Variants in DOC2B observed in about 807,000 individuals in gnomAD.
DOC2B encodes the protein double C2 domain beta, also known as double C2-like domain-containing protein beta.
Under a neutral mutation model 28.9 loss-of-function variants are expected in DOC2B, and 21 were observed. The ratio of observed to expected loss-of-function variants is 0.73; its 90% CI spans 0.52 to 1.05. The LOEUF (loss-of-function observed/expected upper bound fraction) is 1.05, where lower values mean the gene tolerates loss of function less well. DOC2B is among the 50% of genes least tolerant of loss of function. The probability of loss-of-function intolerance (pLI) is 0.00; values close to 1 mark genes in which losing one functional copy is unlikely to be tolerated. For synonymous variants in DOC2B, 194 were observed against 178.1 expected (o/e 1.09, Z -0.71); for missense variants, 384 against 421.1 (o/e 0.91, Z 0.77).
chr17:162,076 C>A lies in DOC2B; in HGVS notation c.638+5G>T, dbSNP rs1319628439. ...GGGAGCAGGCGGCCTGGGACCCTCACCCACCGCAGGGTCTTGCGGATCATG... is the reference window on the plus strand; with the variant it reads ...GGGAGCAGGCGGCCTGGGACCCTCAACCACCGCAGGGTCTTGCGGATCATG... On this transcript the variant is annotated splice_donor_5th_base_variant and intron_variant, in intron 4 of 8. Transcript: ENST00000613549. 6.5e-7 allele frequency: 1 copy of A among 1,545,606 alleles called. No individual in the cohort carries two copies. The highest frequency in any genetic ancestry group is 8.8e-7 in the Non-Finnish European group (1 of 1,141,420).
At chr17:166,663 G>C (rs2040269243) in intron 2 of DOC2B, among the ~76,000 whole-genome samples, 1 of 152,026 alleles carries the variant, frequency 6.6e-6, no homozygotes. Context: ...TCTTGAGGTA[G>C]TGAATACGTC....
At chr17:148,801 T>A (rs1053380918) in intron 7 of DOC2B, among the ~76,000 whole-genome samples, 1 of 151,722 alleles carries the variant, frequency 6.6e-6, no homozygotes, top group East Asian at 1.9e-4. Context: ...GGCCCCAGGG[T>A]GTCTCGAGTC....
intron 7 of DOC2B, 67 bp from the exon 8 acceptor site, chr17:148,336 G>A (rs1296678575): frequency 7.5e-6 from 3 of 398,474 alleles, no homozygotes; most frequent in African/African-American, 2.1e-5. Context: ...GCCAGGAGGG[G>A]TATGAGGTGT....
chr17:166,231 CT>C (rs2040263110), intron 2 of DOC2B, among the ~76,000 whole-genome samples: 1 of 152,282 alleles, frequency 6.6e-6, no homozygotes, highest in South Asian at 2.1e-4. Context: ...TGTCACTGTG[CT>C]GCCACCAACT....
At chr17:169,717 G>A (rs941557449) in intron 2 of DOC2B, among the ~76,000 whole-genome samples, 1 of 152,018 alleles carries the variant, frequency 6.6e-6, no homozygotes, top group Non-Finnish European at 1.5e-5. Flanking sequence ...GTGCACCCCA[G>A]GGTGTCCAGC....
intron 6 of DOC2B, among the ~76,000 whole-genome samples, chr17:150,462 T>C (rs2040060887): frequency 6.6e-6 from 1 of 151,912 alleles, no homozygotes; most frequent in Admixed American, 6.6e-5. Context: ...ATGTCCAGCT[T>C]ATTCTGCCCA....
At chr17:160,932 G>A (rs900951374) in intron 5 of DOC2B, among the ~76,000 whole-genome samples, 5 of 152,124 alleles carry the variant, frequency 3.3e-5, no homozygotes, top group African/African-American at 1.2e-4. Flanking sequence ...TCCACCCGTG[G>A]TCCCTGCTGA....
chr17:162,056 C>A (rs748356343), intron 4 of DOC2B, 25 bp downstream of exon 4: 110 of 1,492,652 alleles, frequency 7.4e-5, no homozygotes, highest in Non-Finnish European at 9.4e-5. Context: ...GGGGAGGGAG[C>A]AGGCGGCCTG....
rs149757548 is a variant in DOC2B at position 153,044 on chromosome 17, G to A, written c.923+3176C>T. Among the ~76,000 whole-genome samples, 572 of 152,246 alleles carry A rather than the reference G, an allele frequency of 3.8e-3. 2 individuals are homozygous for A. Among genetic ancestry groups the A allele is most frequent in the African/African-American group, 0.013 (534 of 41,556 alleles). On this transcript the variant is annotated intron_variant, in intron 6 of 8. Coordinates refer to ENST00000613549, the MANE Select transcript of DOC2B (RefSeq NM_003585.5). ...GAGACGGGGACCCCTGAGGAGCCCC[G>A]AGCAGCAGCCGTCGTGTCTCACCCA...
rs1487739850 is a variant in DOC2B at position 181,500 on chromosome 17, C to G, written c.-21G>C. The G allele has an allele frequency of 2.0e-6, 2 of 1,006,892 alleles. No individual in the cohort carries two copies. The highest frequency in any genetic ancestry group is 2.0e-4 in the East Asian group (2 of 9,826). 62.4% of individuals were successfully genotyped at this position (1,006,892 alleles called of 1,614,324 possible). A position where few individuals can be genotyped will look rare whatever the true frequency, so the allele number is the denominator to read the frequency against. On this transcript the variant is annotated 5_prime_UTR_variant, in exon 1 of 9. Transcript: ENST00000613549. The surrounding 1 kb of genome is among the most constrained non-coding windows in gnomAD (Gnocchi z 7.0). ...GTCATGCAGGCAGCGCCGCCCCGCC[C>G]CGGGCGCGGCCCGGCCCGGCGCGAC...
Position 156,341 on chromosome 17 carries a change from C to T in DOC2B, c.802G>A (p.Gly268Ser). ...KTEDKSLEER[G>S]RILISLKYSS... ...TACTTGAGGGAGATGAGGATGCGGC[C>T]CCGCTCCTCCAGGGACTTGTCTTCA... is the stretch of plus-strand genomic sequence containing the variant. The change falls in exon 6 of 9, where the codon GGC (glycine) becomes AGC (serine). Residue 268 changes from glycine to serine, a missense_variant. Physicochemically the swap from Gly to Ser is moderately conservative, Grantham distance 56. Transcript: ENST00000613549. 1.9e-6 allele frequency: 3 copies of T among 1,551,502 alleles called. No individual in the cohort carries two copies. The highest frequency in any genetic ancestry group is 2.6e-6 in the Non-Finnish European group (3 of 1,146,952).
intron 1 of DOC2B, among the ~76,000 whole-genome samples, chr17:176,451 G>A (rs957023472): frequency 2.6e-5 from 4 of 152,140 alleles, no homozygotes; most frequent in African/African-American, 9.7e-5. Context: ...GAACTCCCGG[G>A]CTCAAGCAAT....
At chr17:149,031 A>G in intron 7 of DOC2B, 80 bp downstream of exon 7, 1 of 397,094 alleles carries the variant, frequency 2.5e-6, no homozygotes, top group Non-Finnish European at 4.4e-6. Context: ...TCCCGCCATG[A>G]CCTTTTGAAA....
chr17:165,192 G>A lies in DOC2B; in HGVS notation c.454-988C>T, dbSNP rs150886394. ...GGGAAGTGGATGAGTTACTTTGCAC[G>A]CTAAGCCTCAGCTTTATCATCTGTT... On this transcript the variant is annotated intron_variant, in intron 2 of 8. Transcript: ENST00000613549. Among the ~76,000 whole-genome samples the A allele has an allele frequency of 3.4e-3, 513 of 152,158 alleles. 5 individuals are homozygous for A. Among genetic ancestry groups the A allele is most frequent in the African/African-American group, 0.011 (469 of 41,436 alleles).
At position 181,278 on chromosome 17, in the gene DOC2B, C is replaced by A; in HGVS notation, c.202G>T (p.Gly68Cys). The A allele has an allele frequency of 1.7e-6, 2 of 1,202,092 alleles. No homozygotes were observed. The highest frequency in any genetic ancestry group is 2.1e-6 in the Non-Finnish European group (2 of 969,334). The allele number at this position is 1,202,092 out of a possible 1,614,324, so 74.5% of individuals were successfully genotyped here. A position where few individuals can be genotyped will look rare whatever the true frequency, so the allele number is the denominator to read the frequency against. ...GCGCCGTCGGAGGGGCTGCGGCGGC[C>A]GGCACCGGCCACAGCCGGGCGCGCG... is the stretch of plus-strand genomic sequence containing the variant. ...APARPAVAGA[G>C]RRSPSDGARE... The change falls in exon 1 of 9, where the codon GGC becomes TGC. Residue 68 changes from glycine to cysteine, a missense_variant. Physicochemically the swap from Gly to Cys is radical, Grantham distance 159 (BLOSUM62 -3). Transcript: ENST00000613549. The surrounding 1 kb of genome is among the most constrained non-coding windows in gnomAD (Gnocchi z 7.0).
At chr17:166,191 A>G (rs1555523882) in intron 2 of DOC2B, among the ~76,000 whole-genome samples, 1 of 152,252 alleles carries the variant, frequency 6.6e-6, no homozygotes, top group African/African-American at 2.4e-5. Context: ...CGCCAAAAGC[A>G]AAAGGACCAG....
chr17:153,425 G>A (rs901656368), intron 6 of DOC2B, among the ~76,000 whole-genome samples: 2 of 152,232 alleles, frequency 1.3e-5, no homozygotes, highest in Non-Finnish European at 2.9e-5. Context: ...ACCATAGGCC[G>A]GGCACAGTGG....
At chr17:148,119 G>A in intron 8 of DOC2B, 54 bp downstream of exon 8, 1 of 398,510 alleles carries the variant, frequency 2.5e-6, no homozygotes, top group East Asian at 3.6e-5. Context: ...AGGGGCTGTG[G>A]CCTGATCCAG....
chr17:163,179 C>G (rs1309062149), intron 3 of DOC2B, among the ~76,000 whole-genome samples: 1 of 152,210 alleles, frequency 6.6e-6, no homozygotes, highest in East Asian at 1.9e-4. Flanking sequence ...ACTGCCGGCT[C>G]CAGTCCCACA....
Sources: gnomAD v4.1 joint callset for allele counts (sites outside exome capture counted in the v4.1 genomes callset) on GRCh38, gnomAD v4.1.1 for gene constraint, Gnocchi (gnomAD v3.1) non-coding constraint, MANE v1.5 for transcripts, NCBI Gene and HGNC (gene_info 2026-07-23, HGNC 2026-07-21) for gene names.